Variants in HPD observed in about 807,000 individuals in gnomAD.
HPD encodes the protein 4-hydroxyphenylpyruvate dioxygenase.
Under a neutral mutation model 56.9 loss-of-function variants are expected in HPD, and 35 were observed. The observed-to-expected ratio is 0.62, with a 90% CI of 0.47 to 0.82. HPD has a LOEUF of 0.82. Ranked by LOEUF, HPD falls within the 40% of genes least tolerant of loss-of-function variation. The pLI, the probability that HPD is intolerant of heterozygous loss-of-function variation, is 0.00. For missense variants in HPD, 442 were observed against 506.8 expected, an observed-to-expected ratio of 0.87 and a Z score of 1.23; for synonymous variants, 186 against 200.2, an observed-to-expected ratio of 0.93 and a Z score of 0.60.
intron 4 of HPD, 45 bp from the exon 5 acceptor site, chr12:121,856,670 C>T (rs770478403): frequency 1.9e-6 from 3 of 1,591,842 alleles, no homozygotes; most frequent in Admixed American, 3.3e-5. Context: ...CTCAGGGGGG[C>T]ATGGGGAGGT....
At position 121,839,804 on chromosome 12, in the gene HPD, T is replaced by G; in HGVS notation, c.1106A>C (p.Lys369Thr). Residue 369 changes from lysine to threonine, a missense_variant, in exon 14 of 14, where the codon AAG becomes ACG. Physicochemically the swap from Lys to Thr is moderately conservative, Grantham distance 78. Transcript: ENST00000289004. The stretch of plus-strand genomic sequence containing the variant: ...CAGGTTCTGCTCCTCCTCGAAAGCC[T>G]TGAACAGTGAGTTGAAGTTGCCGGC... ...FGAGNFNSLF[K>T]AFEEEQNLRG... The G allele has an allele frequency of 6.2e-7, 1 of 1,614,172 alleles. No homozygotes were observed. Among genetic ancestry groups the G allele is most frequent in the Admixed American group, 1.7e-5 (1 of 60,016 alleles).
chr12:121,866,755 A>G (rs1429312397), upstream of HPD, among the ~76,000 whole-genome samples: 1 of 152,102 alleles, frequency 6.6e-6, no homozygotes, highest in African/African-American at 2.4e-5. Flanking sequence ...ACTTACACAG[A>G]GTGAAATTCA....
At chr12:121,884,638 A>T in the HPD span, among the ~76,000 whole-genome samples, 1 of 151,738 alleles carries the variant, frequency 6.6e-6, no homozygotes, top group East Asian at 1.9e-4. Flanking sequence ...CAATGTTAGA[A>T]ATGTTAGTTT....
At chr12:121,850,488 T>C (rs1877731219) in intron 7 of HPD, among the ~76,000 whole-genome samples, 1 of 149,894 alleles carries the variant, frequency 6.7e-6, no homozygotes, top group African/African-American at 2.5e-5. Context: ...TTTTTTTTTT[T>C]TTTAAGGCGG....
intron 9 of HPD, among the ~76,000 whole-genome samples, chr12:121,848,502 G>A (rs190744519): frequency 4.0e-3 from 605 of 152,086 alleles, no homozygotes; most frequent in South Asian, 6.2e-3. Flanking sequence ...AGTAGAGACC[G>A]GGGTTCGCCA....
the HPD span, among the ~76,000 whole-genome samples, chr12:121,869,357 A>C: frequency 1.4e-5 from 1 of 71,512 alleles, no homozygotes; most frequent in South Asian, 5.3e-4. Context: ...TCTCAAAAAA[A>C]AAAAAAAAAA....
At chr12:121,856,516 C>G in intron 5 of HPD, 67 bp downstream of exon 5, 1 of 1,596,862 alleles carries the variant, frequency 6.3e-7, no homozygotes, top group Non-Finnish European at 8.6e-7. Context: ...CGGAGCCATG[C>G]GTCCACCCTC....
At chr12:121,862,882 G>A (rs1485438517), upstream of HPD, among the ~76,000 whole-genome samples, 9 of 150,450 alleles carry the variant, frequency 6.0e-5, no homozygotes, top group Admixed American at 2.7e-4. Context: ...AGGTTTCACC[G>A]TGTTAGCCAG....
At chr12:121,878,598 C>A in the HPD span, among the ~76,000 whole-genome samples, 1 of 152,108 alleles carries the variant, frequency 6.6e-6, no homozygotes, top group Admixed American at 6.6e-5. Flanking sequence ...ATCCACCCAC[C>A]TCAGCCTCCC....
In HPD at chr12:121,839,571, G is replaced by T. The variant is rs1877333883; in HGVS notation, c.*157C>A. 1.5e-6 allele frequency: 1 copy of T among 657,262 alleles called. No individual in the cohort carries two copies. The highest frequency in any genetic ancestry group is 2.7e-6 in the Non-Finnish European group (1 of 365,370). 40.7% of individuals were successfully genotyped at this position (657,262 alleles called of 1,614,324 possible). ...AATCGGGAGGGCTGGAGCAGAGGGC[G>T]GCCCCGCCGAGGGGCGTGGTCAGTG... is the stretch of plus-strand genomic sequence containing the variant. On this transcript the variant is annotated 3_prime_UTR_variant, in exon 14 of 14. Transcript: ENST00000289004.
At chr12:121,856,437 A>G in intron 5 of HPD, 31 bp from the exon 6 acceptor site, 1 of 1,607,124 alleles carries the variant, frequency 6.2e-7, no homozygotes, top group Non-Finnish European at 8.5e-7. Flanking sequence ...ATGGCACTGG[A>G]GTCTGGAGTC....
chr12:121,864,639 G>A (rs1398951166), upstream of HPD, among the ~76,000 whole-genome samples: 1 of 151,488 alleles, frequency 6.6e-6, no homozygotes, highest in African/African-American at 2.4e-5. Context: ...GGATCACGAG[G>A]TCAGGAGATC....
At chr12:121,849,840 G>T in intron 7 of HPD, 50 bp from the exon 8 acceptor site, 3 of 1,224,738 alleles carry the variant, frequency 2.4e-6, no homozygotes, top group South Asian at 1.2e-5. Flanking sequence ...CATCCCCGCC[G>T]AGGACAGAGC....
chr12:121,851,153 T>A (rs1337445919), intron 7 of HPD, among the ~76,000 whole-genome samples: 1 of 150,960 alleles, frequency 6.6e-6, no homozygotes, highest in Admixed American at 6.6e-5. Flanking sequence ...TGAGCCACCG[T>A]GCCCAGCCCC....
the HPD span, among the ~76,000 whole-genome samples, chr12:121,875,708 G>C: frequency 6.6e-6 from 1 of 152,144 alleles, no homozygotes; most frequent in East Asian, 1.9e-4. Flanking sequence ...TTACAGGCAT[G>C]AGCCACTGCA....
chr12:121,853,987 C>A (rs555978718), intron 7 of HPD, among the ~76,000 whole-genome samples: 137 of 151,890 alleles, frequency 9.0e-4, no homozygotes, highest in African/African-American at 2.8e-3. Context: ...CAGTGGCCCA[C>A]GCCTGTAATC....
chr12:121,861,611 G>GGAGGC (rs1878175355), upstream of HPD, among the ~76,000 whole-genome samples: 2 of 152,128 alleles, frequency 1.3e-5, no homozygotes, highest in Non-Finnish European at 2.9e-5. Context: ...AAAAAAACAT[G>GGAGGC]AAAAAGAGGC....
chr12:121,873,609 G>A, the HPD span, among the ~76,000 whole-genome samples: 1 of 152,062 alleles, frequency 6.6e-6, no homozygotes, highest in African/African-American at 2.4e-5. Flanking sequence ...ACAAGGTCAG[G>A]AGATCGAGAC....
chr12:121,855,969 T>C (rs1877978271), intron 6 of HPD, among the ~76,000 whole-genome samples: 1 of 11,812 alleles, frequency 8.5e-5, no homozygotes, highest in African/African-American at 4.5e-4. Flanking sequence ...AAACTCCGTC[T>C]CACAAAAAAA....
Sources: allele counts gnomAD v4.1 joint callset (sites outside exome capture counted in the v4.1 genomes callset), GRCh38; gene constraint gnomAD v4.1.1; transcripts MANE v1.5; gene names NCBI Gene and HGNC (gene_info 2026-07-23, HGNC 2026-07-21).